MCM10: variants seen among roughly 807,000 people sequenced by gnomAD.
MCM10 encodes the protein minichromosome maintenance 10 replication initiation factor.
MCM10 carries 91 observed loss-of-function variants against 109.9 expected under a neutral mutation model. The observed-to-expected ratio is 0.83, with a 90% confidence interval of 0.70 to 0.99. The LOEUF (loss-of-function observed/expected upper bound fraction) is 0.99, where lower values mean the gene tolerates loss of function less well. Among genes scored for constraint, MCM10 ranks in the 50% least tolerant of loss-of-function variants. The pLI is 0.00. For missense variants in MCM10, 1,077 were observed against 1,061.2 expected (o/e 1.01, Z -0.21); for synonymous variants, 380 against 387.2 (o/e 0.98, Z 0.22).
Position 13,183,101 on chromosome 10 carries a change from G to T in MCM10, c.1098+1G>T, listed in dbSNP as rs1834231037. 3 of 1,602,364 alleles carry T rather than the reference G, an allele frequency of 1.9e-6. No homozygotes were observed. The highest frequency in any genetic ancestry group is 2.5e-6 in the Non-Finnish European group (3 of 1,176,760). On this transcript the variant is annotated splice_donor_variant, in intron 8 of 19. Transcript: ENST00000378714. LOFTEE classifies it high-confidence loss of function. Reference sequence around the variant, plus strand: ...GAAGCCCAAGGATGGTTCAGAGGAGGTAAGAGCCTGTTTCTGGGATTTGAT... The same window carrying T: ...GAAGCCCAAGGATGGTTCAGAGGAGTTAAGAGCCTGTTTCTGGGATTTGAT...
chr10:13,201,637 A>C, intron 17 of MCM10, 103 bp downstream of exon 17: 2 of 827,584 alleles, frequency 2.4e-6, no homozygotes, highest in Middle Eastern at 3.5e-4. Flanking sequence ...CTATCTCGTG[A>C]TGTGTCAGTT....
chr10:13,173,874 A>G (rs1232562168), intron 5 of MCM10, among the ~76,000 whole-genome samples: 2 of 152,094 alleles, frequency 1.3e-5, no homozygotes, highest in Non-Finnish European at 2.9e-5. Context: ...CCAGTGTGAG[A>G]GCAGTGATCC....
intron 2 of MCM10, among the ~76,000 whole-genome samples, chr10:13,165,838 G>A (rs1177767252): frequency 1.4e-5 from 2 of 140,236 alleles, no homozygotes; most frequent in Admixed American, 7.6e-5. Context: ...TCCCACTACT[G>A]CACCTCCAGC....
chr10:13,199,633 A>G (rs1588478381), intron 16 of MCM10, among the ~76,000 whole-genome samples: 1 of 152,346 alleles, frequency 6.6e-6, no homozygotes, highest in East Asian at 1.9e-4. Context: ...ATCAATAAAT[A>G]TCCTAATGCA....
intron 1 of MCM10, among the ~76,000 whole-genome samples, 188 bp from the exon 2 acceptor site, chr10:13,163,940 T>G (rs770621789): frequency 2.6e-5 from 4 of 152,120 alleles, no homozygotes; most frequent in Non-Finnish European, 5.9e-5. Context: ...CAAGTAAAAG[T>G]GAGCTGCTAC....
intron 2 of MCM10, among the ~76,000 whole-genome samples, chr10:13,164,991 C>T (rs1435244725): frequency 6.6e-6 from 1 of 152,080 alleles, no homozygotes; most frequent in East Asian, 1.9e-4. Context: ...AAAATTCAAA[C>T]ATATTACACT....
At chr10:13,180,221 A>C (rs1834192490) in intron 6 of MCM10, among the ~76,000 whole-genome samples, 1 of 152,048 alleles carries the variant, frequency 6.6e-6, no homozygotes, top group Non-Finnish European at 1.5e-5. Flanking sequence ...ACTGCACTCC[A>C]GCCTGGGCAA....
Position 13,172,462 on chromosome 10 carries a change from C to T in MCM10, c.436C>T (p.Arg146Cys), listed in dbSNP as rs367729297. The T allele has an allele frequency of 5.0e-6, 8 of 1,613,998 alleles. No individual in the cohort carries two copies. The Admixed American group carries it at 5.0e-5, about 10-fold the overall frequency. The stretch of plus-strand genomic sequence containing the variant: ...AATTAAACAGACAGCAAGCCCAGCC[C>T]GTCTGCAAAAATCCCCTGGTAAGAA... ...TTIKQTASPA[R>C]LQKSPEKSPR... is the part of the protein sequence containing the mutation. The change falls in exon 4 of 20, where the codon CGT becomes TGT. Residue 146 changes from arginine (R) to cysteine (C), a missense_variant. Physicochemically the swap from Arg to Cys is radical, Grantham distance 180. Coordinates refer to ENST00000378714, the MANE Select transcript of MCM10 (RefSeq NM_018518.5). The surrounding 1 kb of genome is among the most constrained non-coding windows in gnomAD (Gnocchi z 5.2).
chr10:13,184,411 A>C (rs1027868264), intron 8 of MCM10, among the ~76,000 whole-genome samples: 3 of 152,210 alleles, frequency 2.0e-5, no homozygotes, highest in Non-Finnish European at 4.4e-5. Context: ...GTGAATTTTC[A>C]TCTTCTCAAA....
At chr10:13,185,611 G>A (rs1393478138) in intron 8 of MCM10, among the ~76,000 whole-genome samples, 1 of 152,154 alleles carries the variant, frequency 6.6e-6, no homozygotes, top group African/African-American at 2.4e-5. Context: ...TATGACCTGA[G>A]GCTGAGAAGT....
intron 14 of MCM10, among the ~76,000 whole-genome samples, chr10:13,195,741 C>T (rs1588476553): frequency 6.6e-6 from 1 of 151,690 alleles, no homozygotes; most frequent in Non-Finnish European, 1.5e-5. Flanking sequence ...CTCCCGAGTA[C>T]CTGGGACTAC....
At position 13,195,286 on chromosome 10, in the gene MCM10, C is replaced by G. The variant is rs141577097; in HGVS notation, c.1974+17C>G. 647 of 1,558,176 alleles carry G rather than the reference C, an allele frequency of 4.2e-4. 5 individuals carry two copies. The African/African-American group carries it at 7.5e-3, about 18-fold the overall frequency. On this transcript the variant is annotated intron_variant, in intron 14 of 19. Transcript: ENST00000378714. ...GCCAAAAAGGTAACTGGCATCTCTT[C>G]TCTTTAGCACTTGAGTTTGCATTCT...
rs114941911 is a variant in MCM10 at position 13,207,378 on chromosome 10, C to T, written c.2499-1713C>T. The stretch of plus-strand genomic sequence containing the variant: ...TTTTTCTCACAATTTTATCATTGAT[C>T]GACATATAGGCTACCAGAGTTCTCT... On this transcript the variant is annotated intron_variant, in intron 18 of 19. Transcript: ENST00000378714. Among the ~76,000 whole-genome samples, 494 of 152,062 alleles carry T rather than the reference C, an allele frequency of 3.2e-3. 3 individuals are homozygous for T. The highest frequency in any genetic ancestry group is 0.012 in the African/African-American group (477 of 41,468).
rs1299747145 is a variant in MCM10 at position 13,180,433 on chromosome 10, T to C, written c.765-9T>C. On this transcript the variant is annotated splice_polypyrimidine_tract_variant and intron_variant, in intron 6 of 19. Coordinates refer to ENST00000378714, the MANE Select transcript of MCM10 (RefSeq NM_018518.5). The stretch of plus-strand genomic sequence containing the variant: ...ATCATAATTACTAATCGCTGGTTTC[T>C]TAACCCAGGCGGCCTCGAGTATCCT... The C allele has an allele frequency of 1.2e-6, 2 of 1,604,948 alleles. No individual in the cohort carries two copies. Among genetic ancestry groups the C allele is most frequent in the African/African-American group, 1.3e-5 (1 of 74,240 alleles).
intron 18 of MCM10, 86 bp from the exon 19 acceptor site, chr10:13,209,005 C>T: frequency 1.1e-6 from 1 of 912,702 alleles, no homozygotes; most frequent in East Asian, 2.4e-5. Context: ...TGGGGGCCTA[C>T]TCTCCCCAGG....
intron 2 of MCM10, among the ~76,000 whole-genome samples, chr10:13,169,678 C>A (rs900962319): frequency 1.3e-5 from 2 of 152,106 alleles, no homozygotes; most frequent in African/African-American, 2.4e-5. Flanking sequence ...AATATAGCAA[C>A]GAAAAGAAAG....
At chr10:13,183,214 G>T (rs1834232426) in intron 8 of MCM10, 114 bp downstream of exon 8, 4 of 1,214,380 alleles carry the variant, frequency 3.3e-6, no homozygotes, top group Middle Eastern at 4.7e-4. Context: ...CTAACACTTT[G>T]GGGAGGCCAA....
intron 2 of MCM10, 23 bp from the exon 3 acceptor site, chr10:13,170,899 T>G (rs755460586): frequency 2.1e-5 from 33 of 1,598,786 alleles, no homozygotes; most frequent in Non-Finnish European, 2.7e-5. Flanking sequence ...TTATTCTCTG[T>G]CCTTTCTCTT....
In MCM10 at chr10:13,180,724, G is replaced by C. The variant is rs1588470383; in HGVS notation, c.930+117G>C. The C allele has an allele frequency of 8.3e-6, 10 of 1,211,774 alleles. No homozygotes were observed. In the East Asian group the frequency reaches 2.4e-4, roughly 29 times the overall value. The allele number at this position is 1,211,774 out of a possible 1,614,324, so 75.1% of individuals were successfully genotyped here. A position where few individuals can be genotyped will look rare whatever the true frequency, so the allele number is the denominator to read the frequency against. On this transcript the variant is annotated intron_variant, in intron 7 of 19. Coordinates refer to ENST00000378714, the MANE Select transcript of MCM10 (RefSeq NM_018518.5). ...TTTCATTTAGAAATAAGTATAGTAA[G>C]TTCCAGAATCACCACACATCATTGA...
Sources: gnomAD v4.1 joint callset for allele counts (sites outside exome capture counted in the v4.1 genomes callset) on GRCh38, gnomAD v4.1.1 for gene constraint, Gnocchi (gnomAD v3.1) non-coding constraint, MANE v1.5 for transcripts, NCBI Gene and HGNC (gene_info 2026-07-23, HGNC 2026-07-21) for gene names.